The following USP6NL variants were observed in gnomAD, a reference collection of about 807,000 sequenced individuals.
The protein encoded by USP6NL is USP6 N-terminal like, also known as USP6 N-terminal-like protein.
A neutral mutation model predicts 61.9 loss-of-function variants in USP6NL; 26 were observed. The observed-to-expected ratio is 0.42, with a 90% CI of 0.31 to 0.58. The LOEUF is 0.58. Ranked by LOEUF, USP6NL falls within the 20% of genes least tolerant of loss-of-function variation. USP6NL has a pLI of 0.16. For synonymous variants in USP6NL, 432 were observed against 390.1 expected (o/e 1.11, Z -1.27); for missense variants, 1,114 against 1,034.3 (o/e 1.08, Z -1.06).
In USP6NL at chr10:11,553,443, C is replaced by T. The variant is rs982034302; in HGVS notation, c.5-25876G>A. On this transcript the variant is annotated intron_variant, in intron 2 of 14. Coordinates refer to ENST00000609104, the MANE Select transcript of USP6NL (RefSeq NM_014688.5). This position sits in a 1 kb window ranked among gnomAD's most constrained non-coding sequence, Gnocchi z 4.8. Reference sequence around the variant, plus strand: ...CCAGAAATAATATATAACTCACTTACGAGACTACTCACTCAGGTGACCTGT... The same window carrying T: ...CCAGAAATAATATATAACTCACTTATGAGACTACTCACTCAGGTGACCTGT... 6.6e-6 allele frequency among the ~76,000 whole-genome samples: 1 copy of T among 152,162 alleles called. No homozygotes were observed. The highest frequency in any genetic ancestry group is 2.4e-5 in the African/African-American group (1 of 41,434).
chr10:11,467,581 AG>A, intron 14 of USP6NL, among the ~76,000 whole-genome samples: 1 of 152,246 alleles, frequency 6.6e-6, no homozygotes, highest in East Asian at 1.9e-4. Context: ...TGGTGAAATA[AG>A]GTATAGAAAC....
At chr10:11,516,520 T>C (rs1299741366) in intron 5 of USP6NL, among the ~76,000 whole-genome samples, 1 of 152,146 alleles carries the variant, frequency 6.6e-6, no homozygotes, top group Non-Finnish European at 1.5e-5. Flanking sequence ...CCTGATAAAC[T>C]AAGAGGCTTC....
intron 2 of USP6NL, among the ~76,000 whole-genome samples, chr10:11,536,082 T>C (rs974158782): frequency 2.0e-5 from 3 of 152,162 alleles, no homozygotes; most frequent in Admixed American, 6.5e-5. Flanking sequence ...GAGTCTGAAA[T>C]ACCACTTATT....
intron 5 of USP6NL, among the ~76,000 whole-genome samples, chr10:11,516,612 A>G (rs1014306405): frequency 1.3e-5 from 2 of 152,322 alleles, no homozygotes; most frequent in Admixed American, 1.3e-4. Flanking sequence ...GTCATGCAAT[A>G]TGAGTGCAGT....
In USP6NL at chr10:11,525,325, T is replaced by C. The variant is rs1835371215; in HGVS notation, c.155+61A>G. On this transcript the variant is annotated intron_variant, in intron 4 of 14. Transcript: ENST00000609104. This position sits in a 1 kb window ranked among gnomAD's most constrained non-coding sequence, Gnocchi z 5.0. ...ATATTAAAAATAAAGAAAATCAATA[T>C]AATAGGTGACCACAGAAACGTTATA... 1.3e-5 allele frequency: 18 copies of C among 1,341,830 alleles called. No individual in the cohort carries two copies. The Admixed American group carries it at 1.7e-4, about 12-fold the overall frequency. The allele number at this position is 1,341,830 out of a possible 1,614,324, so 83.1% of individuals were successfully genotyped here.
intron 7 of USP6NL, among the ~76,000 whole-genome samples, chr10:11,493,994 C>A (rs1054469369): frequency 2.6e-5 from 4 of 152,202 alleles, no homozygotes; most frequent in African/African-American, 9.6e-5. Context: ...TCCTGGTCTC[C>A]TATCTTTTTT....
At position 11,465,975 on chromosome 10, in the gene USP6NL, A is replaced by T. The variant is rs927353871; in HGVS notation, c.1079-2126T>A. ...AACAAACTACAGTGATTATAATAAA[A>T]TGTATTTTATACAACCCCATCAAAA... On this transcript the variant is annotated intron_variant, in intron 14 of 14. Coordinates refer to ENST00000609104, the MANE Select transcript of USP6NL (RefSeq NM_014688.5). The surrounding 1 kb of genome is among the most constrained non-coding windows in gnomAD (Gnocchi z 4.5). 7.2e-5 allele frequency among the ~76,000 whole-genome samples: 11 copies of T among 152,196 alleles called. No homozygotes were observed. Among genetic ancestry groups the T allele is most frequent in the African/African-American group, 1.7e-4 (7 of 41,446 alleles).
At chr10:11,535,251 T>C (rs550579413) in intron 2 of USP6NL, among the ~76,000 whole-genome samples, 218 of 152,300 alleles carry the variant, frequency 1.4e-3, no homozygotes, top group African/African-American at 4.9e-3. Flanking sequence ...GCCAAAGTGA[T>C]GTCACTGAGT....
intron 5 of USP6NL, among the ~76,000 whole-genome samples, chr10:11,514,319 G>GGGGCGCAT (rs1266109166): frequency 6.6e-6 from 1 of 151,810 alleles, no homozygotes; most frequent in Non-Finnish European, 1.5e-5. Context: ...AATCAATTAT[G>GGGGCGCAT]ACTGTGATGG....
At position 11,495,718 on chromosome 10, in the gene USP6NL, A is replaced by G. The variant is rs1037071144; in HGVS notation, c.385-2490T>C. Among the ~76,000 whole-genome samples, 1 of 152,234 alleles carries G rather than the reference A, an allele frequency of 6.6e-6. No individual in the cohort carries two copies. The highest frequency in any genetic ancestry group is 1.5e-5 in the Non-Finnish European group (1 of 68,034). ...ATTTTTCTCTGAAGATATTAAAAAT[A>G]GTTTTTTAGATTCTCTTCTTTACAC... On this transcript the variant is annotated intron_variant, in intron 7 of 14. Transcript: ENST00000609104. The surrounding 1 kb of genome is among the most constrained non-coding windows in gnomAD (Gnocchi z 4.6).
intron 2 of USP6NL, among the ~76,000 whole-genome samples, chr10:11,550,431 T>A (rs559833359): frequency 8.5e-5 from 13 of 152,248 alleles, no homozygotes; most frequent in Non-Finnish European, 1.5e-4. Context: ...AAGCAGCCTG[T>A]TTTTTGTTTT....
chr10:11,536,805 C>A (rs1019136981), intron 2 of USP6NL, among the ~76,000 whole-genome samples: 1 of 152,224 alleles, frequency 6.6e-6, no homozygotes, highest in Non-Finnish European at 1.5e-5. Context: ...AACTGCACAA[C>A]TTCAAAAACC....
At position 11,484,897 on chromosome 10, in the gene USP6NL, G is replaced by C. The variant is rs895520948; in HGVS notation, c.925+74C>G. 7.7e-6 allele frequency: 9 copies of C among 1,165,986 alleles called. No homozygotes were observed. In the African/African-American group the frequency reaches 1.3e-4, roughly 16 times the overall value. 72.2% of individuals were successfully genotyped at this position (1,165,986 alleles called of 1,614,324 possible). A position where few individuals can be genotyped will look rare whatever the true frequency, so the allele number is the denominator to read the frequency against. The stretch of plus-strand genomic sequence containing the variant: ...TTAAAAGACAATGAAGTTGAAGTGG[G>C]TGGGGAATGAGAAATCAAGGTTAAA... On this transcript the variant is annotated intron_variant, in intron 13 of 14. Transcript: ENST00000609104.
intron 10 of USP6NL, among the ~76,000 whole-genome samples, chr10:11,488,889 T>G (rs958073153): frequency 6.6e-6 from 1 of 152,172 alleles, no homozygotes; most frequent in Non-Finnish European, 1.5e-5. Flanking sequence ...ACAATATACC[T>G]TGGAGTAAAG....
chr10:11,532,325 A>G lies in USP6NL; in HGVS notation c.5-4758T>C. The G allele has an allele frequency of 9.8e-7, 1 of 1,020,992 alleles. No individual in the cohort carries two copies. The highest frequency in any genetic ancestry group is 1.8e-5 in the South Asian group (1 of 56,986). 63.2% of individuals were successfully genotyped at this position (1,020,992 alleles called of 1,614,324 possible). A position where few individuals can be genotyped will look rare whatever the true frequency, so the allele number is the denominator to read the frequency against. On this transcript the variant is annotated intron_variant, in intron 2 of 14. Coordinates refer to ENST00000609104, the MANE Select transcript of USP6NL (RefSeq NM_014688.5). The surrounding 1 kb of genome is among the most constrained non-coding windows in gnomAD (Gnocchi z 4.1). ...CCGGCGGTACCTCACACATTCTGCA[A>G]CTAACTAAAACAAAGAAAGGCAGAG...
Position 11,482,014 on chromosome 10 carries a change from C to T in USP6NL, c.926-92G>A. On this transcript the variant is annotated intron_variant, in intron 13 of 14. Coordinates refer to ENST00000609104, the MANE Select transcript of USP6NL (RefSeq NM_014688.5). This position sits in a 1 kb window ranked among gnomAD's most constrained non-coding sequence, Gnocchi z 4.0. ...TATATTCAGGTGTAGTGTAAAAGGG[C>T]ATTAAAAAGGGCGCAAGCAGCATAC... The T allele has an allele frequency of 7.6e-7, 1 of 1,315,142 alleles. No homozygotes were observed. The highest frequency in any genetic ancestry group is 1.0e-6 in the Non-Finnish European group (1 of 992,634). The allele number at this position is 1,315,142 out of a possible 1,614,324, so 81.5% of individuals were successfully genotyped here.
chr10:11,478,948 A>T lies in USP6NL; in HGVS notation c.1078+2822T>A, dbSNP rs887001040. Among the ~76,000 whole-genome samples, 1 of 138,424 alleles carries T rather than the reference A, an allele frequency of 7.2e-6. No homozygotes were observed. The highest frequency in any genetic ancestry group is 2.5e-5 in the African/African-American group (1 of 40,250). 90.8% of individuals were successfully genotyped at this position (138,424 alleles called of 152,430 possible). ...CTGGAAAAGCAGAGAGCAATGGAAC[A>T]GAATAGAGTGCCAAAATGTAATGTA... On this transcript the variant is annotated intron_variant, in intron 14 of 14. Coordinates refer to ENST00000609104, the MANE Select transcript of USP6NL (RefSeq NM_014688.5). This position sits in a 1 kb window ranked among gnomAD's most constrained non-coding sequence, Gnocchi z 6.8.
chr10:11,486,017 C>T, intron 10 of USP6NL, 106 bp from the exon 11 acceptor site: 3 of 789,042 alleles, frequency 3.8e-6, no homozygotes, highest in East Asian at 6.2e-5. Context: ...TAAAAAGAAA[C>T]ATTCAGTAGT....
At chr10:11,542,484 C>G (rs796798692) in intron 2 of USP6NL, among the ~76,000 whole-genome samples, 15 of 152,180 alleles carry the variant, frequency 9.9e-5, no homozygotes, top group African/African-American at 3.1e-4. Context: ...TTTGGGAGGC[C>G]GAGGCAGGTA....
Sources: allele counts gnomAD v4.1 joint callset (sites outside exome capture counted in the v4.1 genomes callset), GRCh38; gene constraint gnomAD v4.1.1; non-coding constraint Gnocchi (gnomAD v3.1); transcripts MANE v1.5; gene names NCBI Gene and HGNC (gene_info 2026-07-23, HGNC 2026-07-21).